The following ARHGAP28 variants were observed in gnomAD, a reference collection of about 807,000 sequenced individuals.
ARHGAP28 encodes rho GTPase-activating protein 28.
In ARHGAP28, 56 loss-of-function variants were observed where a neutral mutation model predicts 90.7. The ratio of observed to expected loss-of-function variants is 0.62; its 90% CI spans 0.50 to 0.77. The LOEUF is 0.77. Among genes scored for constraint, ARHGAP28 ranks in the 30% least tolerant of loss-of-function variants. The probability of loss-of-function intolerance (pLI) is 0.00; values close to 1 mark genes in which losing one functional copy is unlikely to be tolerated. For missense variants in ARHGAP28, 869 were observed against 900.9 expected (o/e 0.96, Z 0.45); for synonymous variants, 308 against 323.3 (o/e 0.95, Z 0.51).
intron 3 of ARHGAP28, among the ~76,000 whole-genome samples, chr18:6,841,157 T>TCAC (rs2056808776): frequency 4.3e-5 from 3 of 70,282 alleles, no homozygotes; most frequent in Non-Finnish European, 8.5e-5. Flanking sequence ...TCTCTCCTCT[T>TCAC]TCTCTCTCTC....
intron 3 of ARHGAP28, among the ~76,000 whole-genome samples, chr18:6,839,480 G>C (rs1366904370): frequency 1.3e-5 from 2 of 152,020 alleles, no homozygotes; most frequent in African/African-American, 4.8e-5. Flanking sequence ...TCTATTTGTA[G>C]TAGAGACAGG....
chr18:6,802,006 G>C (rs2143631319), intron 1 of ARHGAP28, among the ~76,000 whole-genome samples: 1 of 152,254 alleles, frequency 6.6e-6, no homozygotes, highest in African/African-American at 2.4e-5. Flanking sequence ...GAAAACATGA[G>C]ATATTTGTCT....
chr18:6,871,680 A>T (rs1365209635), intron 7 of ARHGAP28, among the ~76,000 whole-genome samples: 1 of 152,160 alleles, frequency 6.6e-6, no homozygotes, highest in Non-Finnish European at 1.5e-5. Context: ...TGTGCTGATT[A>T]CGGTTGGATG....
chr18:6,896,597 C>T lies in ARHGAP28; in HGVS notation c.2001C>T (p.Asp667=). The T allele has an allele frequency of 6.2e-7, 1 of 1,614,070 alleles. No individual in the cohort carries two copies. Among genetic ancestry groups the T allele is most frequent in the Non-Finnish European group, 8.5e-7 (1 of 1,179,998 alleles). Residue 667 remains aspartate (D), a synonymous_variant, in exon 16 of 18, where the codon GAC becomes GAT. Transcript: ENST00000383472. ...TCAACAATCAAACCAAAGCCAAAGA[C>T]ATATTGGCAAAATTTCAATATGAAA... ...IQLNNQTKAK[D]ILAKFQYENS...
intron 1 of ARHGAP28, among the ~76,000 whole-genome samples, chr18:6,816,010 T>C (rs939762142): frequency 3.3e-5 from 5 of 152,198 alleles, no homozygotes; most frequent in African/African-American, 1.2e-4. Context: ...CACATTTTTC[T>C]GTATTCTTTG....
rs551303747 is a variant in ARHGAP28 at position 6,875,281 on chromosome 18, C to T, written c.1213-850C>T. Among the ~76,000 whole-genome samples the T allele has an allele frequency of 4.6e-5, 7 of 152,230 alleles. No individual in the cohort carries two copies. The South Asian group carries it at 1.4e-3, about 31-fold the overall frequency. ...CTCGCTACGACACCTCAAGATAGTA[C>T]TCTCCCACTCCTACAAGAGAGGCTT... On this transcript the variant is annotated intron_variant, in intron 9 of 17. Transcript: ENST00000383472.
At chr18:6,870,292 ACTTT>A (rs2057073232) in intron 6 of ARHGAP28, among the ~76,000 whole-genome samples, 1 of 152,290 alleles carries the variant, frequency 6.6e-6, no homozygotes, top group South Asian at 2.1e-4. Flanking sequence ...CCTATTTTGG[ACTTT>A]CTTTTAATAA....
chr18:6,882,189 A>G lies in ARHGAP28; in HGVS notation c.1343A>G (p.Asp448Gly). The G allele has an allele frequency of 1.2e-6, 2 of 1,614,080 alleles. No homozygotes were observed. The highest frequency in any genetic ancestry group is 1.7e-6 in the Non-Finnish European group (2 of 1,179,972). Residue 448 changes from aspartate to glycine, a missense_variant, in exon 11 of 18, where the codon GAC (aspartate) becomes GGC (glycine). Physicochemically the swap from Asp to Gly is moderately conservative, Grantham distance 94. Transcript: ENST00000383472. ...AKFNADKFKW[D>G]KMCHREAAVM... ...TTTAATGCTGATAAATTTAAATGGG[A>G]CAAAATGTGCCATAGAGAAGCTGCA...
At chr18:6,831,608 T>C (rs1182260262) in intron 2 of ARHGAP28, among the ~76,000 whole-genome samples, 1 of 151,806 alleles carries the variant, frequency 6.6e-6, no homozygotes, top group Admixed American at 6.6e-5. Context: ...ATTAGCTTCC[T>C]AAAATGATTT....
intron 3 of ARHGAP28, among the ~76,000 whole-genome samples, chr18:6,847,133 G>A (rs1407359841): frequency 6.6e-6 from 1 of 152,212 alleles, no homozygotes; most frequent in East Asian, 1.9e-4. Context: ...CTGTCCTCTG[G>A]ATAAGGAGGG....
chr18:6,778,694 T>C (rs771316343), intron 1 of ARHGAP28, among the ~76,000 whole-genome samples: 21 of 152,348 alleles, frequency 1.4e-4, no homozygotes, highest in Middle Eastern at 3.4e-3. Context: ...TATTGGGCAC[T>C]AGGGAGTGCT....
chr18:6,871,709 G>T (rs1353474328), intron 7 of ARHGAP28, among the ~76,000 whole-genome samples: 1 of 152,108 alleles, frequency 6.6e-6, no homozygotes, highest in African/African-American at 2.4e-5. Context: ...GCAGGGCCCA[G>T]GCAGTTTCAG....
intron 1 of ARHGAP28, among the ~76,000 whole-genome samples, chr18:6,813,560 A>G (rs768166406): frequency 6.6e-6 from 1 of 152,178 alleles, no homozygotes; most frequent in Non-Finnish European, 1.5e-5. Context: ...TTATAGTAAA[A>G]ATATACTCAA....
chr18:6,889,836 G>C lies in ARHGAP28; in HGVS notation c.1537-52G>C, dbSNP rs538852024. The C allele has an allele frequency of 3.2e-6, 5 of 1,547,316 alleles. No homozygotes were observed. The East Asian group carries it at 1.1e-4, about 35-fold the overall frequency. On this transcript the variant is annotated intron_variant, in intron 12 of 17. Coordinates refer to ENST00000383472, the MANE Select transcript of ARHGAP28 (RefSeq NM_001366230.1). Reference sequence around the variant, plus strand: ...GGAATAGAATGAATGATAGCAATCAGGGGCACTTTTGACAGTGTACAATTG... The same window carrying C: ...GGAATAGAATGAATGATAGCAATCACGGGCACTTTTGACAGTGTACAATTG...
At chr18:6,834,405 G>C (rs938598058) in intron 2 of ARHGAP28, 3 of 152,004 alleles carry the variant, frequency 2.0e-5, no homozygotes, top group African/African-American at 7.3e-5. Flanking sequence ...GTAATTATGA[G>C]GTCAAGTAGA....
intron 1 of ARHGAP28, among the ~76,000 whole-genome samples, chr18:6,760,173 C>T (rs1041719760): frequency 9.9e-5 from 15 of 152,106 alleles, no homozygotes; most frequent in Admixed American, 2.6e-4. Context: ...AGGTTTTTTC[C>T]GCTTTAGAAA....
intron 16 of ARHGAP28, among the ~76,000 whole-genome samples, chr18:6,908,125 G>GTTTTATTTTATTTTA (rs55928161): frequency 8.7e-5 from 13 of 149,374 alleles, no homozygotes; most frequent in African/African-American, 2.2e-4. Context: ...ATTTTATTTT[G>GTTTTATTTTATTTTA]TTTTATTTTA....
chr18:6,841,192 T>TCTC lies in ARHGAP28; in HGVS notation c.543+3779_543+3781dup, dbSNP rs1555631509. 2.9e-4 allele frequency among the ~76,000 whole-genome samples: 19 copies of TCTC among 66,502 alleles called. 1 individual carries two copies. The highest frequency in any genetic ancestry group is 4.5e-4 in the Admixed American group (3 of 6,656). The allele number at this position is 66,502 out of a possible 152,430, so 43.6% of individuals were successfully genotyped here. A position where few individuals can be genotyped will look rare whatever the true frequency, so the allele number is the denominator to read the frequency against. Reference sequence around the variant, plus strand: ...CCTCTCTCTCTCTCCTCTCTCTCTCTCTCTCTCTCTCCTCTCCTCTCTCTC... The same window carrying TCTC: ...CCTCTCTCTCTCTCCTCTCTCTCTCTCTCCTCTCTCTCTCCTCTCCTCTCTCTC... On this transcript the variant is annotated intron_variant, in intron 3 of 17. Coordinates refer to ENST00000383472, the MANE Select transcript of ARHGAP28 (RefSeq NM_001366230.1).
At chr18:6,790,975 CTACT>C (rs2056402405) in intron 1 of ARHGAP28, 2 of 152,096 alleles carry the variant, frequency 1.3e-5, no homozygotes, top group Admixed American at 1.3e-4. Context: ...ATAATATAAT[CTACT>C]TGTGCACAAA....
Sources: gnomAD v4.1 joint callset for allele counts (sites outside exome capture counted in the v4.1 genomes callset) on GRCh38, gnomAD v4.1.1 for gene constraint, MANE v1.5 for transcripts, NCBI Gene and HGNC (gene_info 2026-07-23, HGNC 2026-07-21) for gene names.